Variants in EMCN observed in about 807,000 individuals in gnomAD.
EMCN encodes MUC-14.
EMCN carries 37 observed loss-of-function variants against 38.4 expected under a neutral mutation model. That is an observed-to-expected ratio of 0.96 (90% CI 0.74 to 1.27). The LOEUF (loss-of-function observed/expected upper bound fraction) is 1.27, where lower values mean the gene tolerates loss of function less well. EMCN is among the 50% of genes most tolerant of loss of function. The pLI, the probability that EMCN is intolerant of heterozygous loss-of-function variation, is 0.00. For missense variants in EMCN, 318 were observed against 302.8 expected (o/e 1.05, Z -0.37); for synonymous variants, 95 against 100.8 (o/e 0.94, Z 0.35).
chr4:100,409,811 C>T (rs1382416579), intron 11 of EMCN, among the ~76,000 whole-genome samples: 1 of 152,208 alleles, frequency 6.6e-6, no homozygotes, highest in Admixed American at 6.5e-5. Flanking sequence ...TTCTCTGAAC[C>T]CATTTCCCTG....
intron 11 of EMCN, among the ~76,000 whole-genome samples, chr4:100,404,802 A>C (rs997194958): frequency 1.3e-5 from 2 of 151,980 alleles, no homozygotes; most frequent in African/African-American, 2.4e-5. Flanking sequence ...ATTGCTTTGA[A>C]GAGTATGGCC....
chr4:100,462,534 G>A (rs766582143), intron 4 of EMCN, among the ~76,000 whole-genome samples: 1 of 152,112 alleles, frequency 6.6e-6, no homozygotes, highest in African/African-American at 2.4e-5. Context: ...AATTATTTGA[G>A]TCTAATTTTC....
chr4:100,401,114 C>T (rs1381409022), intron 11 of EMCN, among the ~76,000 whole-genome samples: 2 of 151,958 alleles, frequency 1.3e-5, no homozygotes, highest in African/African-American at 4.8e-5. Flanking sequence ...ATCATTTTGT[C>T]TTGGTTTTAT....
At chr4:100,463,208 G>A (rs1345544873) in intron 4 of EMCN, among the ~76,000 whole-genome samples, 2 of 152,088 alleles carry the variant, frequency 1.3e-5, no homozygotes, top group East Asian at 1.9e-4. Context: ...TCTCTGCCTC[G>A]CACAAACATT....
intron 1 of EMCN, among the ~76,000 whole-genome samples, chr4:100,482,151 G>A (rs992928138): frequency 1.3e-5 from 2 of 152,066 alleles, no homozygotes; most frequent in Non-Finnish European, 2.9e-5. Flanking sequence ...TTTTCATACT[G>A]CAGGTTGTGA....
intron 1 of EMCN, among the ~76,000 whole-genome samples, chr4:100,514,470 T>A (rs1729705175): frequency 6.6e-6 from 1 of 152,092 alleles, no homozygotes; most frequent in African/African-American, 2.4e-5. Flanking sequence ...TACCTTTTAT[T>A]TCTCTTGACT....
intron 4 of EMCN, among the ~76,000 whole-genome samples, chr4:100,451,746 T>C (rs1274031846): frequency 6.6e-6 from 1 of 152,032 alleles, no homozygotes; most frequent in Non-Finnish European, 1.5e-5. Flanking sequence ...TCTGAACTTG[T>C]TTCCTTATTT....
intron 11 of EMCN, among the ~76,000 whole-genome samples, chr4:100,398,628 A>G (rs939435219): frequency 2.6e-5 from 4 of 152,040 alleles, no homozygotes; most frequent in Non-Finnish European, 4.4e-5. Context: ...TATTTCCTCC[A>G]TGATGCATTC....
chr4:100,399,120 A>ACTT (rs1466100086), intron 11 of EMCN, among the ~76,000 whole-genome samples: 1 of 152,208 alleles, frequency 6.6e-6, no homozygotes, highest in Non-Finnish European at 1.5e-5. Context: ...ACCATTTGCC[A>ACTT]CTTCTTCATA....
chr4:100,443,827 A>G (rs1727590184), intron 5 of EMCN, among the ~76,000 whole-genome samples: 1 of 152,214 alleles, frequency 6.6e-6, no homozygotes, highest in African/African-American at 2.4e-5. Flanking sequence ...CCTGGTGGAC[A>G]TGGGACACCA....
At chr4:100,427,579 A>G (rs990801695) in intron 5 of EMCN, among the ~76,000 whole-genome samples, 1 of 151,332 alleles carries the variant, frequency 6.6e-6, no homozygotes, top group Non-Finnish European at 1.5e-5. Context: ...GAGCCACCAC[A>G]TCTGTCCCCT....
At chr4:100,433,865 T>C (rs1252946930) in intron 5 of EMCN, among the ~76,000 whole-genome samples, 1 of 152,126 alleles carries the variant, frequency 6.6e-6, no homozygotes, top group East Asian at 1.9e-4. Flanking sequence ...CTATAATGGC[T>C]GCACCAGTAT....
At chr4:100,427,565 G>C (rs955989696) in intron 5 of EMCN, among the ~76,000 whole-genome samples, 1 of 151,670 alleles carries the variant, frequency 6.6e-6, no homozygotes, top group Non-Finnish European at 1.5e-5. Flanking sequence ...GGGATTATAG[G>C]CATGAGCCAC....
chr4:100,478,615 T>TA (rs2110279364), intron 2 of EMCN, among the ~76,000 whole-genome samples: 1 of 152,250 alleles, frequency 6.6e-6, no homozygotes, highest in Admixed American at 6.5e-5. Context: ...AAAATCTAGA[T>TA]AAAGAGTGAT....
chr4:100,474,461 TAGA>T (rs1322484773), intron 3 of EMCN, among the ~76,000 whole-genome samples: 18 of 152,186 alleles, frequency 1.2e-4, no homozygotes, highest in African/African-American at 4.3e-4. Context: ...ATGTTAAACA[TAGA>T]GTTAACCTGT....
At chr4:100,409,396 CA>C (rs1726486532) in intron 11 of EMCN, among the ~76,000 whole-genome samples, 1 of 152,080 alleles carries the variant, frequency 6.6e-6, no homozygotes, top group African/African-American at 2.4e-5. Flanking sequence ...AATCCCATAC[CA>C]ACTGGGAGAC....
At chr4:100,499,059 A>AT (rs201181908) in intron 1 of EMCN, among the ~76,000 whole-genome samples, 8 of 150,820 alleles carry the variant, frequency 5.3e-5, no homozygotes, top group Non-Finnish European at 1.0e-4. Context: ...TTAATGTTCC[A>AT]TTTTTTTTTA....
At chr4:100,459,251 G>A (rs533185911) in intron 4 of EMCN, among the ~76,000 whole-genome samples, 1 of 148,316 alleles carries the variant, frequency 6.7e-6, no homozygotes, top group Non-Finnish European at 1.5e-5. Flanking sequence ...GAGAGACAGA[G>A]AGGTTGTTTT....
intron 5 of EMCN, among the ~76,000 whole-genome samples, chr4:100,433,505 A>G (rs1174327618): frequency 6.6e-6 from 1 of 151,166 alleles, no homozygotes; most frequent in Admixed American, 6.6e-5. Context: ...TCTATTTTTA[A>G]TTTCTTTCAA....
Sources: gnomAD v4.1 joint callset for allele counts (sites outside exome capture counted in the v4.1 genomes callset) on GRCh38, gnomAD v4.1.1 for gene constraint, MANE v1.5 for transcripts, NCBI Gene and HGNC (gene_info 2026-07-23, HGNC 2026-07-21) for gene names.